The following CAPZB variants were observed in gnomAD, a reference collection of about 807,000 sequenced individuals.
The protein encoded by CAPZB is F-actin-capping protein subunit beta.
CAPZB carries 2 observed loss-of-function variants against 38.1 expected under a neutral mutation model. That is an observed-to-expected ratio of 0.05 (90% CI 0.02 to 0.17). CAPZB has a LOEUF of 0.17. Ranked by LOEUF, CAPZB falls within the 10% of genes least tolerant of loss-of-function variation. The pLI is 1.00. For missense variants in CAPZB, 161 were observed against 334.2 expected (o/e 0.48, Z 4.04); for synonymous variants, 107 against 127.4 (o/e 0.84, Z 1.08).
chr1:19,413,755 C>T (rs187441018), intron 2 of CAPZB, among the ~76,000 whole-genome samples: 1 of 152,188 alleles, frequency 6.6e-6, no homozygotes, highest in Non-Finnish European at 1.5e-5. Context: ...CCTGCTTACT[C>T]TATTAACACA....
chr1:19,462,832 A>G (rs974145877), intron 1 of CAPZB, among the ~76,000 whole-genome samples: 1 of 152,352 alleles, frequency 6.6e-6, no homozygotes, highest in Middle Eastern at 3.4e-3. Context: ...TCAATTTATC[A>G]AATTGAATTC....
intron 1 of CAPZB, among the ~76,000 whole-genome samples, chr1:19,481,596 A>G (rs2100821002): frequency 6.6e-6 from 1 of 152,330 alleles, no homozygotes; most frequent in East Asian, 1.9e-4. Context: ...CGGGTTGGAC[A>G]GGCTGGACAA....
chr1:19,406,111 A>G (rs780707301), intron 2 of CAPZB, among the ~76,000 whole-genome samples: 32 of 152,352 alleles, frequency 2.1e-4, no homozygotes, highest in Admixed American at 7.2e-4. Context: ...AGGCAGCCAC[A>G]GATGTGGCAA....
chr1:19,342,917 G>A, intron 8 of CAPZB: 4 of 1,108,492 alleles, frequency 3.6e-6, no homozygotes, highest in Non-Finnish European at 5.5e-6. Flanking sequence ...ACGACGAGAA[G>A]CCAGGAACGC....
chr1:19,380,581 C>T lies in CAPZB; in HGVS notation c.216-1928G>A, dbSNP rs557190721. The stretch of plus-strand genomic sequence containing the variant: ...TAGCCTGTCGCTCCTCCCTCTGAAA[C>T]GGGGCTGCCCAACAGAACTTCCTGA... On this transcript the variant is annotated intron_variant, in intron 3 of 8. Coordinates refer to ENST00000264202, the MANE Select transcript of CAPZB (RefSeq NM_004930.5). 3.9e-5 allele frequency among the ~76,000 whole-genome samples: 6 copies of T among 152,350 alleles called. No homozygotes were observed. The South Asian group carries it at 6.2e-4, about 16-fold the overall frequency.
At chr1:19,354,459 AC>A (rs1008152599) in intron 6 of CAPZB, among the ~76,000 whole-genome samples, 1 of 152,146 alleles carries the variant, frequency 6.6e-6, no homozygotes, top group African/African-American at 2.4e-5. Context: ...TTACATTGGA[AC>A]CCAGCCCCAG....
intron 1 of CAPZB, among the ~76,000 whole-genome samples, chr1:19,420,427 AT>A: frequency 6.6e-6 from 1 of 152,172 alleles, no homozygotes; most frequent in South Asian, 2.1e-4. Context: ...AATGTTTTTC[AT>A]TTTTTAAAGA....
At chr1:19,340,721 AC>A (rs2093923398) in intron 8 of CAPZB, among the ~76,000 whole-genome samples, 1 of 152,066 alleles carries the variant, frequency 6.6e-6, no homozygotes, top group South Asian at 2.1e-4. Flanking sequence ...AAAGCTATCA[AC>A]CCAATTTACA....
At chr1:19,450,653 G>T (rs1197692453) in intron 1 of CAPZB, among the ~76,000 whole-genome samples, 3 of 90,406 alleles carry the variant, frequency 3.3e-5, no homozygotes, top group African/African-American at 1.1e-4. Flanking sequence ...CCTGGTTCCA[G>T]AGACCCAGGT....
At chr1:19,346,736 C>T (rs1197705926) in intron 6 of CAPZB, among the ~76,000 whole-genome samples, 1 of 151,814 alleles carries the variant, frequency 6.6e-6, no homozygotes, top group African/African-American at 2.4e-5. Context: ...CTTTAAACGA[C>T]CAGGCTTCCA....
rs369790016 is a variant in CAPZB at position 19,398,251 on chromosome 1, T to C, written c.94-12625A>G. ...CTGCCACACCTGCTCAGTCTCCCGATGAGCCAGGCGAGGTGCTGAGCCCTG... is the reference window on the plus strand; with the variant it reads ...CTGCCACACCTGCTCAGTCTCCCGACGAGCCAGGCGAGGTGCTGAGCCCTG... On this transcript the variant is annotated intron_variant, in intron 2 of 8. Transcript: ENST00000264202. Among the ~76,000 whole-genome samples the C allele has an allele frequency of 4.6e-3, 453 of 98,092 alleles. 3 individuals are homozygous for C. The highest frequency in any genetic ancestry group is 0.04 in the South Asian group (129 of 3,208). 64.4% of individuals were successfully genotyped at this position (98,092 alleles called of 152,430 possible).
At chr1:19,438,628 C>T (rs890614748) in intron 1 of CAPZB, among the ~76,000 whole-genome samples, 5 of 152,198 alleles carry the variant, frequency 3.3e-5, no homozygotes, top group African/African-American at 1.2e-4. Flanking sequence ...CGAAGACCAT[C>T]CTCGCTTAAG....
intron 1 of CAPZB, among the ~76,000 whole-genome samples, chr1:19,479,347 T>C (rs1333918949): frequency 6.6e-6 from 1 of 152,320 alleles, no homozygotes; most frequent in East Asian, 1.9e-4. Context: ...CTGAACTTGG[T>C]GCCACCTGCA....
Position 19,460,158 on chromosome 1 carries a change from A to C in CAPZB, c.3+25278T>G, listed in dbSNP as rs191975410. Among the ~76,000 whole-genome samples the C allele has an allele frequency of 6.5e-3, 996 of 152,362 alleles. 8 individuals are homozygous for C. Among genetic ancestry groups the C allele is most frequent in the South Asian group, 0.014 (70 of 4,830 alleles). On this transcript the variant is annotated intron_variant, in intron 1 of 8. Transcript: ENST00000264202. The stretch of plus-strand genomic sequence containing the variant: ...AAATTGTGAAGGAAAAATAAATGCT[A>C]GTTTTACTGTCACACCTCAAACTGC...
At chr1:19,455,873 G>C (rs1185551677) in intron 1 of CAPZB, among the ~76,000 whole-genome samples, 1 of 152,094 alleles carries the variant, frequency 6.6e-6, no homozygotes, top group Non-Finnish European at 1.5e-5. Context: ...GAAAAACAAG[G>C]GCCAGTTTCC....
At chr1:19,460,021 C>T (rs2094545550) in intron 1 of CAPZB, among the ~76,000 whole-genome samples, 1 of 139,316 alleles carries the variant, frequency 7.2e-6, no homozygotes, top group South Asian at 2.4e-4. Context: ...GAGAAGTTGC[C>T]AAATGCTTCC....
chr1:19,411,750 G>A (rs1344007496), intron 2 of CAPZB, among the ~76,000 whole-genome samples: 3 of 152,182 alleles, frequency 2.0e-5, no homozygotes, highest in Non-Finnish European at 4.4e-5. Context: ...CCAAATCTAT[G>A]AGGGAGCTGG....
chr1:19,375,435 C>A (rs796220177), intron 4 of CAPZB, among the ~76,000 whole-genome samples: 12 of 152,264 alleles, frequency 7.9e-5, no homozygotes, highest in African/African-American at 2.9e-4. Flanking sequence ...CCTGCACATG[C>A]AAGGTAAGGA....
At chr1:19,362,268 G>A (rs142925213) in intron 4 of CAPZB, among the ~76,000 whole-genome samples, 150 of 151,822 alleles carry the variant, frequency 9.9e-4, no homozygotes, top group African/African-American at 2.9e-3. Flanking sequence ...ACAGAGTCTC[G>A]CTCTGTCGCC....
Sources: allele counts gnomAD v4.1 joint callset (sites outside exome capture counted in the v4.1 genomes callset), GRCh38; gene constraint gnomAD v4.1.1; transcripts MANE v1.5; gene names NCBI Gene and HGNC (gene_info 2026-07-23, HGNC 2026-07-21).